The following TECPR2 variants were observed in gnomAD, a reference collection of about 807,000 sequenced individuals.
TECPR2 encodes tectonin beta-propeller repeat-containing protein 2.
A neutral mutation model predicts 138.1 loss-of-function variants in TECPR2; 65 were observed. The observed-to-expected ratio is 0.47, with a 90% CI of 0.39 to 0.58. The LOEUF (loss-of-function observed/expected upper bound fraction) is 0.58. TECPR2 is among the 20% of genes least tolerant of loss of function. The pLI is 0.00. For missense variants in TECPR2, 1,553 were observed against 1,824.5 expected, an observed-to-expected ratio of 0.85 and a Z score of 2.71; for synonymous variants, 746 against 749.8, an observed-to-expected ratio of 0.99 and a Z score of 0.08.
rs1217625331 is a variant in TECPR2, at chr14:102,488,135, C to T, written c.3790-8844C>T. ...CTGGGATTACAGGCGTGAGCCACCA[C>T]GCCCAGCCTCTTTTGCATTTTTATG... On this transcript the variant is annotated intron_variant, in intron 17 of 19. Coordinates refer to ENST00000359520, the MANE Select transcript of TECPR2 (RefSeq NM_014844.5). Among the ~76,000 whole-genome samples, 7 of 152,020 alleles carry T rather than the reference C, an allele frequency of 4.6e-5. No homozygotes were observed. In the East Asian group the frequency reaches 5.8e-4, roughly 13 times the overall value.
intron 7 of TECPR2, among the ~76,000 whole-genome samples, chr14:102,430,912 C>T (rs547122013): frequency 6.6e-6 from 1 of 152,080 alleles, no homozygotes; most frequent in South Asian, 2.1e-4. Flanking sequence ...ATATTCAAGG[C>T]AGAGTCTTAG....
intron 17 of TECPR2, among the ~76,000 whole-genome samples, chr14:102,478,447 G>T (rs113724813): frequency 6.6e-6 from 1 of 151,834 alleles, no homozygotes; most frequent in African/African-American, 2.4e-5. Context: ...TTGGGAGGTC[G>T]AGGCGGGTAG....
At chr14:102,475,867 A>C (rs1345051529) in intron 17 of TECPR2, among the ~76,000 whole-genome samples, 1 of 152,172 alleles carries the variant, frequency 6.6e-6, no homozygotes, top group Non-Finnish European at 1.5e-5. Flanking sequence ...TTATGTGTTC[A>C]AGAAGCTAGT....
intron 1 of TECPR2, among the ~76,000 whole-genome samples, chr14:102,366,035 T>G (rs1887338614): frequency 6.6e-6 from 1 of 152,222 alleles, no homozygotes; most frequent in South Asian, 2.1e-4. Context: ...TGTTGCTTCC[T>G]AGGGATTTTG....
At chr14:102,435,317 A>G (rs1685371865) in intron 9 of TECPR2, 106 bp downstream of exon 9, 1 of 1,460,130 alleles carries the variant, frequency 6.8e-7, no homozygotes, top group Non-Finnish European at 9.1e-7. Context: ...TTCTATTCCT[A>G]CTGCAAAATC....
At chr14:102,492,494 TC>T (rs1259428392) in intron 17 of TECPR2, among the ~76,000 whole-genome samples, 2 of 152,248 alleles carry the variant, frequency 1.3e-5, no homozygotes, top group East Asian at 3.8e-4. Flanking sequence ...TATATTTTCC[TC>T]CAGTAATACA....
chr14:102,460,906 A>G (rs1026328247), intron 16 of TECPR2, among the ~76,000 whole-genome samples: 1 of 151,962 alleles, frequency 6.6e-6, no homozygotes, highest in South Asian at 2.1e-4. Flanking sequence ...CGTGTTAGCC[A>G]GGATGGTCTC....
rs1189538458 is a variant in TECPR2 at position 102,419,955 on chromosome 14, G to T, written c.639-5024G>T. Among the ~76,000 whole-genome samples the T allele has an allele frequency of 1.3e-5, 2 of 152,170 alleles. No individual in the cohort carries two copies. Among genetic ancestry groups the T allele is most frequent in the African/African-American group, 2.4e-5 (1 of 41,422 alleles). ...CCAGCAGCCGGTTCTGGAACCCCGCGACTAGCACATCTGTTTGGATGGCCA... is the reference window on the plus strand; with the variant it reads ...CCAGCAGCCGGTTCTGGAACCCCGCTACTAGCACATCTGTTTGGATGGCCA... On this transcript the variant is annotated intron_variant, in intron 5 of 19. Coordinates refer to ENST00000359520, the MANE Select transcript of TECPR2 (RefSeq NM_014844.5). The surrounding 1 kb of genome is among the most constrained non-coding windows in gnomAD (Gnocchi z 4.8).
chr14:102,397,616 G>A (rs1266385632), intron 2 of TECPR2, among the ~76,000 whole-genome samples: 4 of 151,924 alleles, frequency 2.6e-5, no homozygotes, highest in African/African-American at 9.7e-5. Context: ...GTGTGGTGGT[G>A]TGCACTGGTA....
At position 102,445,986 on chromosome 14, in the gene TECPR2, G is replaced by A. The variant is rs946329624; in HGVS notation, c.3075+39G>A. 17 of 1,569,988 alleles carry A rather than the reference G, an allele frequency of 1.1e-5. 1 individual carries two copies. Among genetic ancestry groups the A allele is most frequent in the African/African-American group, 6.8e-5 (5 of 73,280 alleles). On this transcript the variant is annotated intron_variant, in intron 13 of 19. Transcript: ENST00000359520. ...TCTGCGCCACGTGCCGAGGTCTCCC[G>A]ACCTTTTCTGCTTCCCCTTTTCTTA... is the stretch of plus-strand genomic sequence containing the variant.
At chr14:102,414,563 C>T (rs1888970027) in intron 4 of TECPR2, 73 bp from the exon 5 acceptor site, 1 of 1,557,036 alleles carries the variant, frequency 6.4e-7, no homozygotes, top group Non-Finnish European at 8.7e-7. Context: ...GGGAAGGACA[C>T]TGACTTGTCC....
At chr14:102,440,049 T>A (rs1250152145) in intron 10 of TECPR2, among the ~76,000 whole-genome samples, 2 of 152,264 alleles carry the variant, frequency 1.3e-5, no homozygotes, top group Admixed American at 6.5e-5. Context: ...GGATGTTTAT[T>A]TGGAGACTTA....
Position 102,452,473 on chromosome 14 carries a change from G to T in TECPR2, c.3486G>T (p.Thr1162=), listed in dbSNP as rs747983532. ...AGAGCGCACAGTCGCGGCCCTCCAC[G>T]GTGCAGCTGCCTCCCGAAGCCGAGA... is the stretch of plus-strand genomic sequence containing the variant. ...SAQSAQSRPS[T]VQLPPEAEMR... Residue 1162 remains threonine, a synonymous_variant, in exon 16 of 20, where the codon ACG becomes ACT. Transcript: ENST00000359520. The T allele has an allele frequency of 6.2e-7, 1 of 1,613,590 alleles. No individual in the cohort carries two copies. The highest frequency in any genetic ancestry group is 8.5e-7 in the Non-Finnish European group (1 of 1,179,960).
At chr14:102,445,068 G>T (rs962724503) in intron 12 of TECPR2, among the ~76,000 whole-genome samples, 1 of 152,228 alleles carries the variant, frequency 6.6e-6, no homozygotes, top group Non-Finnish European at 1.5e-5. Flanking sequence ...TGGGGGCCCC[G>T]TGCATGGATG....
At chr14:102,471,910 G>A (rs146057869) in intron 17 of TECPR2, among the ~76,000 whole-genome samples, 1 of 152,232 alleles carries the variant, frequency 6.6e-6, no homozygotes, top group African/African-American at 2.4e-5. Flanking sequence ...TGCTTTGCTT[G>A]ATAGTGATAT....
intron 4 of TECPR2, among the ~76,000 whole-genome samples, chr14:102,411,667 T>A (rs1888869239): frequency 9.9e-6 from 1 of 100,770 alleles, no homozygotes; most frequent in Non-Finnish European, 1.8e-5. Context: ...TCAGCCTGCC[T>A]GCACCCAGGT....
rs1418456173 is a variant in TECPR2 at position 102,498,921 on chromosome 14, G to GCACCATACCTCACCACATCT, written c.*670_*689dup. 10 of 686,468 alleles carry GCACCATACCTCACCACATCT rather than the reference G, an allele frequency of 1.5e-5. No individual in the cohort carries two copies. The highest frequency in any genetic ancestry group is 1.1e-4 in the African/African-American group (6 of 56,236). 42.5% of individuals were successfully genotyped at this position (686,468 alleles called of 1,614,324 possible). A position where few individuals can be genotyped will look rare whatever the true frequency, so the allele number is the denominator to read the frequency against. Reference sequence around the variant, plus strand: ...ACACCTCACCACACCACACCGCACTGCACCATACCTCACCACATCTCACCA... The same window carrying GCACCATACCTCACCACATCT: ...ACACCTCACCACACCACACCGCACTGCACCATACCTCACCACATCTCACCATACCTCACCACATCTCACCA... On this transcript the variant is annotated 3_prime_UTR_variant, in exon 20 of 20. Coordinates refer to ENST00000359520, the MANE Select transcript of TECPR2 (RefSeq NM_014844.5).
intron 4 of TECPR2, among the ~76,000 whole-genome samples, chr14:102,410,422 A>G (rs1024120033): frequency 1.7e-4 from 25 of 150,758 alleles, no homozygotes; most frequent in African/African-American, 6.1e-4. Context: ...ACCCTGCCAA[A>G]TCCCCCTCTG....
At chr14:102,466,562 T>C (rs984630120) in intron 17 of TECPR2, among the ~76,000 whole-genome samples, 1 of 152,190 alleles carries the variant, frequency 6.6e-6, no homozygotes, top group Admixed American at 6.5e-5. Flanking sequence ...TTATTGTCCT[T>C]AAATTCTCTG....
Sources: gnomAD v4.1 joint callset for allele counts (sites outside exome capture counted in the v4.1 genomes callset) on GRCh38, gnomAD v4.1.1 for gene constraint, Gnocchi (gnomAD v3.1) non-coding constraint, MANE v1.5 for transcripts, NCBI Gene and HGNC (gene_info 2026-07-23, HGNC 2026-07-21) for gene names.